The following PI4KA variants were observed in gnomAD, a reference collection of about 807,000 sequenced individuals.
PI4KA encodes the protein phosphatidylinositol 4-kinase alpha.
PI4KA carries 122 observed loss-of-function variants against 271.4 expected under a neutral mutation model. The ratio of observed to expected loss-of-function variants is 0.45; its 90% CI spans 0.39 to 0.52. PI4KA has a LOEUF of 0.52. Among genes scored for constraint, PI4KA ranks in the 20% least tolerant of loss-of-function variants. The probability of loss-of-function intolerance (pLI) is 0.00; values close to 1 mark genes in which losing one functional copy is unlikely to be tolerated. For synonymous variants in PI4KA, 1,041 were observed against 1,078.8 expected (o/e 0.96, Z 0.69); for missense variants, 1,969 against 2,769.1 (o/e 0.71, Z 6.48).
intron 19 of PI4KA, among the ~76,000 whole-genome samples, chr22:20,766,542 G>A (rs1932543307): frequency 6.6e-6 from 1 of 152,182 alleles, no homozygotes; most frequent in Non-Finnish European, 1.5e-5. Flanking sequence ...GCAGGCACCT[G>A]TAATCCCAGC....
At chr22:20,727,146 A>G in intron 41 of PI4KA, 84 bp downstream of exon 41, 1 of 1,298,632 alleles carries the variant, frequency 7.7e-7, no homozygotes, top group Non-Finnish European at 1.1e-6. Context: ...CCTCATGGCC[A>G]ATGGTGGGGC....
At chr22:20,779,320 A>T in intron 19 of PI4KA, 2 of 1,613,998 alleles carry the variant, frequency 1.2e-6, no homozygotes, top group East Asian at 2.2e-5. Flanking sequence ...AAAATGAAAC[A>T]CTCATTAAAC....
intron 19 of PI4KA, among the ~76,000 whole-genome samples, chr22:20,769,150 A>C (rs1045333013): frequency 1.3e-5 from 2 of 152,190 alleles, no homozygotes; most frequent in Non-Finnish European, 2.9e-5. Context: ...CGTGGCTGGG[A>C]AGTTCAAAGT....
chr22:20,773,233 A>C (rs1274252705), intron 19 of PI4KA, among the ~76,000 whole-genome samples: 3 of 152,150 alleles, frequency 2.0e-5, no homozygotes, highest in Non-Finnish European at 2.9e-5. Flanking sequence ...TAAAAATACA[A>C]AAAATTAGTT....
chr22:20,796,073 G>A, intron 18 of PI4KA, 73 bp downstream of exon 18: 1 of 1,393,940 alleles, frequency 7.2e-7, no homozygotes, highest in Non-Finnish European at 1.0e-6. Context: ...AACCAAGATG[G>A]TGCCTGAAGA....
At chr22:20,837,461 TATTTA>T (rs1229960391) in intron 2 of PI4KA, among the ~76,000 whole-genome samples, 1 of 152,244 alleles carries the variant, frequency 6.6e-6, no homozygotes, top group African/African-American at 2.4e-5. Flanking sequence ...TCAGGTAACC[TATTTA>T]ATTATTAAAA....
chr22:20,858,693 G>A lies in PI4KA; in HGVS notation c.33C>T (p.Gly11=). 3.4e-6 allele frequency: 5 copies of A among 1,468,160 alleles called. No individual in the cohort carries two copies. Among genetic ancestry groups the A allele is most frequent in the Non-Finnish European group, 4.5e-6 (5 of 1,115,294 alleles). The allele number at this position is 1,468,160 out of a possible 1,614,324, so 90.9% of individuals were successfully genotyped here. ...AGCAGCCGCCGCCGCCTCCGCCTCC[G>A]CCTCCGCCTCCCCGGGCCGGGGCCG... The part of the protein sequence containing the change: MAAAPARGGG[G]GGGGGGGCSG... The change falls in exon 1 of 55, where the codon GGC becomes GGT. Residue 11 remains glycine (G), a synonymous_variant. Coordinates refer to ENST00000255882, the MANE Select transcript of PI4KA (RefSeq NM_058004.4).
intron 50 of PI4KA, 141 bp downstream of exon 50, chr22:20,712,345 G>A (rs1374336783): frequency 6.0e-5 from 93 of 1,544,734 alleles, no homozygotes; most frequent in Non-Finnish European, 7.3e-5. Flanking sequence ...GTGAGCCACC[G>A]TGCCCGGCCC....
intron 2 of PI4KA, 48 bp from the exon 3 acceptor site, chr22:20,834,703 G>T: frequency 8.0e-7 from 1 of 1,242,280 alleles, no homozygotes; most frequent in Non-Finnish European, 1.2e-6. Context: ...TAAAATAAGT[G>T]ATTGGCAGCT....
intron 19 of PI4KA, among the ~76,000 whole-genome samples, chr22:20,768,132 C>T (rs780974526): frequency 1.3e-5 from 2 of 152,074 alleles, no homozygotes; most frequent in East Asian, 1.9e-4. Flanking sequence ...GACGGTGCGG[C>T]GGCCAGACAG....
At chr22:20,804,196 G>T in intron 12 of PI4KA, 104 bp downstream of exon 12, 5 of 770,938 alleles carry the variant, frequency 6.5e-6, no homozygotes, top group Non-Finnish European at 1.2e-5. Context: ...AACCGGCAGG[G>T]TCTCCGCTGC....
intron 19 of PI4KA, among the ~76,000 whole-genome samples, chr22:20,785,183 C>T (rs1934122983): frequency 6.6e-6 from 1 of 151,844 alleles, no homozygotes; most frequent in Admixed American, 6.6e-5. Flanking sequence ...GATCCTCTCA[C>T]CTCAGCCTCC....
Position 20,730,000 on chromosome 22 carries a change from T to C in PI4KA, c.4300A>G (p.Thr1434Ala). The change falls in exon 37 of 55, where the codon ACC (threonine) becomes GCC (alanine). Residue 1434 changes from threonine to alanine, a missense_variant. This residue lies in a region of PI4KA where 23 missense variants were observed against 23.2 expected (regional missense o/e 0.99). Transcript: ENST00000255882. ...SQLVPPDNQD[T>A]RSNLDITVGS... ...ACAGTTATGTCCAGGTTGCTCCGGG[T>C]GTCCTGATTATCTGAGGGCAAACAC... 1.2e-6 allele frequency: 2 copies of C among 1,614,116 alleles called. No homozygotes were observed. Among genetic ancestry groups the C allele is most frequent in the South Asian group, 2.2e-5 (2 of 91,082 alleles).
chr22:20,807,155 A>T (rs977034512), intron 10 of PI4KA, among the ~76,000 whole-genome samples: 2 of 152,238 alleles, frequency 1.3e-5, no homozygotes, highest in Non-Finnish European at 2.9e-5. Flanking sequence ...AGGAGCCATC[A>T]TCGATGGTAC....
chr22:20,719,059 G>A (rs573866456), intron 43 of PI4KA, among the ~76,000 whole-genome samples: 11 of 152,310 alleles, frequency 7.2e-5, no homozygotes, highest in East Asian at 1.9e-4. Flanking sequence ...ACAAGTGGAC[G>A]TGGAATCCTC....
At chr22:20,788,267 G>A (rs1934398547) in intron 19 of PI4KA, among the ~76,000 whole-genome samples, 1 of 152,208 alleles carries the variant, frequency 6.6e-6, no homozygotes, top group East Asian at 1.9e-4. Flanking sequence ...CTGGGTTCAA[G>A]TGCAGGTTGG....
At chr22:20,833,103 G>A (rs1465937647) in intron 3 of PI4KA, among the ~76,000 whole-genome samples, 1 of 151,986 alleles carries the variant, frequency 6.6e-6, no homozygotes, top group Admixed American at 6.6e-5. Flanking sequence ...GTCTTTGGGG[G>A]TTTGATTGGG....
intron 19 of PI4KA, among the ~76,000 whole-genome samples, chr22:20,788,862 T>C (rs932032947): frequency 6.6e-6 from 1 of 152,246 alleles, no homozygotes; most frequent in South Asian, 2.1e-4. Context: ...TGCAGCTTCC[T>C]TTTGGCTCTT....
intron 42 of PI4KA, chr22:20,725,358 T>G (rs1436973391): frequency 4.0e-6 from 1 of 252,292 alleles, no homozygotes; most frequent in Non-Finnish European, 8.6e-6. Flanking sequence ...TGACCTGTGC[T>G]GAGCACTTTA....
Sources: gnomAD v4.1 joint callset for allele counts (sites outside exome capture counted in the v4.1 genomes callset) on GRCh38, gnomAD v4.1.1 for gene constraint, gnomAD v4.1.1 regional missense constraint, MANE v1.5 for transcripts, NCBI Gene and HGNC (gene_info 2026-07-23, HGNC 2026-07-21) for gene names.